Variants in POFUT4 observed in about 807,000 individuals in gnomAD.
The protein encoded by POFUT4 is protein O-fucosyltransferase 4, also known as GDP-fucose protein O-fucosyltransferase 4.
chr10:73,773,592 C>T, the POFUT4 span: 4 of 1,614,222 alleles, frequency 2.5e-6, no homozygotes, highest in South Asian at 1.1e-5. Context: ...TCTGAAGCAT[C>T]GGGAGTGGGG....
the POFUT4 span, chr10:73,780,172 G>T: frequency 6.6e-6 from 1 of 152,220 alleles, no homozygotes; most frequent in African/African-American, 2.4e-5. Context: ...TGGAGTGCAA[G>T]GCTGCTTCCT....
At chr10:73,776,826 T>G in the POFUT4 span, among the ~76,000 whole-genome samples, 5 of 151,326 alleles carry the variant, frequency 3.3e-5, no homozygotes, top group Admixed American at 3.3e-4. Flanking sequence ...ACTACAGGCA[T>G]GCACCACCAC....
chr10:73,773,176 T>G, the POFUT4 span: 2 of 1,597,466 alleles, frequency 1.3e-6, no homozygotes, highest in Non-Finnish European at 1.7e-6. Context: ...ACAGCCTTAC[T>G]GTACCCGGTC....
chr10:73,774,426 T>G, the POFUT4 span: 1 of 152,138 alleles, frequency 6.6e-6, no homozygotes, highest in African/African-American at 2.4e-5. Flanking sequence ...ACACCTGTAA[T>G]CCCAGCACTT....
the POFUT4 span, among the ~76,000 whole-genome samples, chr10:73,777,852 G>T: frequency 1.0e-4 from 15 of 149,766 alleles, no homozygotes; most frequent in African/African-American, 2.2e-4. Flanking sequence ...ACCGTGCCCA[G>T]GTGCCCCCAC....
At chr10:73,775,690 CCTTGCAAGAGCCTTTAA>C in the POFUT4 span, 14 of 1,614,056 alleles carry the variant, frequency 8.7e-6, no homozygotes, top group Non-Finnish European at 1.2e-5. Context: ...CTCTAAGTGC[CCTTGCAAGAGCCTTTAA>C]CTTGGCGGAG....
chr10:73,778,374 C>G, the POFUT4 span, among the ~76,000 whole-genome samples: 1 of 133,322 alleles, frequency 7.5e-6, no homozygotes, highest in Non-Finnish European at 1.5e-5. Flanking sequence ...GCCTGGGTGA[C>G]GAGCGAAACT....
At chr10:73,773,663 C>A in the POFUT4 span, 1 of 1,614,268 alleles carries the variant, frequency 6.2e-7, no homozygotes, top group Non-Finnish European at 8.5e-7. Flanking sequence ...TCTGTGACTA[C>A]GAACTGGCTC....
At chr10:73,773,480 G>A in the POFUT4 span, 1 of 1,614,230 alleles carries the variant, frequency 6.2e-7, no homozygotes, top group Non-Finnish European at 8.5e-7. Flanking sequence ...CTCAGAAGCT[G>A]GCAGAGTTTA....
At chr10:73,773,839 A>C in the POFUT4 span, 27 of 1,527,396 alleles carry the variant, frequency 1.8e-5, no homozygotes, top group Non-Finnish European at 2.4e-5. Flanking sequence ...GGTCCCCTGC[A>C]GCTATCAAAT....
the POFUT4 span, chr10:73,773,352 GA>G: frequency 2.5e-6 from 4 of 1,614,066 alleles, no homozygotes; most frequent in Non-Finnish European, 3.4e-6. Flanking sequence ...CTACATGACA[GA>G]AAAACTGTGG....
the POFUT4 span, chr10:73,773,151 G>C: frequency 6.4e-7 from 1 of 1,558,266 alleles, no homozygotes. Context: ...AGGCCTCCAG[G>C]GCCGCACCCT....
chr10:73,775,858 A>C, the POFUT4 span: 3 of 648,774 alleles, frequency 4.6e-6, no homozygotes, highest in South Asian at 2.0e-5. Context: ...CCAAGGTCTA[A>C]CATAGGGCCT....
chr10:73,772,550 G>A, the POFUT4 span: 1 of 1,573,600 alleles, frequency 6.4e-7, no homozygotes, highest in Non-Finnish European at 8.6e-7. Flanking sequence ...GGAGGAGGCG[G>A]GGGACTTGCC....
At chr10:73,772,745 G>T in the POFUT4 span, 12 of 1,600,768 alleles carry the variant, frequency 7.5e-6, no homozygotes, top group Non-Finnish European at 1.0e-5. Flanking sequence ...GCCGCGCCTG[G>T]CGCACCAGAG....
At chr10:73,777,364 CTT>C in the POFUT4 span, among the ~76,000 whole-genome samples, 1 of 149,164 alleles carries the variant, frequency 6.7e-6, no homozygotes, top group Middle Eastern at 3.3e-3. Flanking sequence ...GGTCCTAATT[CTT>C]TTGTTTGCCT....
the POFUT4 span, chr10:73,772,407 G>C: frequency 1.2e-5 from 19 of 1,572,148 alleles, no homozygotes; most frequent in Admixed American, 3.7e-5. Context: ...AGCGGCCATG[G>C]GTCCGTAGCG....
chr10:73,777,062 C>G, the POFUT4 span, among the ~76,000 whole-genome samples: 1 of 152,084 alleles, frequency 6.6e-6, no homozygotes, highest in East Asian at 1.9e-4. Context: ...GAAACCTTGC[C>G]ATCATTCTTA....
At chr10:73,775,969 A>G in the POFUT4 span, 2 of 409,050 alleles carry the variant, frequency 4.9e-6, no homozygotes, top group Non-Finnish European at 8.9e-6. Context: ...AGAGTTTTTA[A>G]ACTACTCACT....
Sources: allele counts gnomAD v4.1 joint callset (sites outside exome capture counted in the v4.1 genomes callset), GRCh38; gene constraint gnomAD v4.1.1; transcripts MANE v1.5; gene names NCBI Gene and HGNC (gene_info 2026-07-23, HGNC 2026-07-21).